The following PIEZO2 variants were observed in gnomAD, a reference collection of about 807,000 sequenced individuals.
The protein encoded by PIEZO2 is piezo type mechanosensitive ion channel component 2, also known as piezo-type mechanosensitive ion channel component 2.
PIEZO2 carries 172 observed loss-of-function variants against 337.3 expected under a neutral mutation model. That is an observed-to-expected ratio of 0.51 (90% CI 0.45 to 0.58). The LOEUF is 0.58. PIEZO2 is among the 20% of genes least tolerant of loss of function. PIEZO2 has a pLI of 0.00. For missense variants in PIEZO2, 3,028 were observed against 3,391.3 expected, an observed-to-expected ratio of 0.89 and a Z score of 2.66; for synonymous variants, 1,251 against 1,228.5, an observed-to-expected ratio of 1.02 and a Z score of -0.38.
intron 3 of PIEZO2, among the ~76,000 whole-genome samples, chr18:10,949,836 T>C (rs957573343): frequency 6.6e-6 from 1 of 152,160 alleles, no homozygotes; most frequent in Non-Finnish European, 1.5e-5. Flanking sequence ...ATTTCTCAAC[T>C]TACATCCTCC....
In PIEZO2 at chr18:10,953,313, C is replaced by T. The variant is rs573308776; in HGVS notation, c.286+26222G>A. 1.3e-5 allele frequency among the ~76,000 whole-genome samples: 2 copies of T among 152,190 alleles called. No homozygotes were observed. The highest frequency in any genetic ancestry group is 4.2e-4 in the South Asian group (2 of 4,816). ...TGATGTTGTATTTAAGAAAACTTTGCCCTTCCCTAACCCAAGATTACAAAC... is the reference window on the plus strand; with the variant it reads ...TGATGTTGTATTTAAGAAAACTTTGTCCTTCCCTAACCCAAGATTACAAAC... On this transcript the variant is annotated intron_variant, in intron 3 of 55. Coordinates refer to ENST00000674853, the MANE Select transcript of PIEZO2 (RefSeq NM_001378183.1). This position sits in a 1 kb window ranked among gnomAD's most constrained non-coding sequence, Gnocchi z 5.2.
chr18:10,935,794 C>A (rs1489209808), intron 3 of PIEZO2, among the ~76,000 whole-genome samples: 2 of 152,174 alleles, frequency 1.3e-5, no homozygotes, highest in Non-Finnish European at 2.9e-5. Context: ...ATGACCACGG[C>A]CCCTGCTCCT....
At chr18:10,915,859 T>C (rs1470836375) in intron 3 of PIEZO2, among the ~76,000 whole-genome samples, 11 of 152,128 alleles carry the variant, frequency 7.2e-5, no homozygotes, top group Non-Finnish European at 4.4e-5. Context: ...TTACAGTTCT[T>C]AAAGGTGGAG....
chr18:10,956,961 C>T (rs1160298713), intron 3 of PIEZO2, among the ~76,000 whole-genome samples: 1 of 135,802 alleles, frequency 7.4e-6, no homozygotes, highest in African/African-American at 2.8e-5. Context: ...AAGAGCAAAA[C>T]TCCATCTCAA....
intron 49 of PIEZO2, among the ~76,000 whole-genome samples, chr18:10,685,696 G>A (rs1432048893): frequency 6.6e-6 from 1 of 152,274 alleles, no homozygotes; most frequent in East Asian, 1.9e-4. Context: ...ATCATTCAGG[G>A]GCTTTTGTGA....
chr18:10,704,242 G>A lies in PIEZO2; in HGVS notation c.6258+152C>T, dbSNP rs986808365. 10 of 1,064,538 alleles carry A rather than the reference G, an allele frequency of 9.4e-6. No individual in the cohort carries two copies. In the African/African-American group the frequency reaches 1.3e-4, roughly 14 times the overall value. The allele number at this position is 1,064,538 out of a possible 1,614,324, so 65.9% of individuals were successfully genotyped here. A position where few individuals can be genotyped will look rare whatever the true frequency, so the allele number is the denominator to read the frequency against. On this transcript the variant is annotated intron_variant, in intron 42 of 55. Transcript: ENST00000674853. ...GTAACTGTTGCTGCTGACGATTTGT[G>A]TATCTAAGAATGTCTGTGGAACTGC... is the stretch of plus-strand genomic sequence containing the variant.
intron 2 of PIEZO2, among the ~76,000 whole-genome samples, chr18:11,052,016 T>C (rs763149461): frequency 5.3e-5 from 8 of 152,224 alleles, no homozygotes; most frequent in Non-Finnish European, 7.3e-5. Flanking sequence ...GAAAAGAGCT[T>C]TAATTTCAGT....
In PIEZO2 at chr18:11,003,853, G is replaced by A. The variant is rs77070643; in HGVS notation, c.161-24193C>T. 0.044 allele frequency among the ~76,000 whole-genome samples: 6,708 copies of A among 152,288 alleles called. 514 individuals carry two copies. The highest frequency in any genetic ancestry group is 0.15 in the African/African-American group (6,237 of 41,540). On this transcript the variant is annotated intron_variant, in intron 2 of 55. Coordinates refer to ENST00000674853, the MANE Select transcript of PIEZO2 (RefSeq NM_001378183.1). This position sits in a 1 kb window ranked among gnomAD's most constrained non-coding sequence, Gnocchi z 4.6. The stretch of plus-strand genomic sequence containing the variant: ...AACAAAGTGATTTTTTCCCCTCATT[G>A]ACATTGGAACAAAACAATATTCAAC...
rs62093958 is a variant in PIEZO2 at position 10,682,769 on chromosome 18, G to A, written c.7498-477C>T. Among the ~76,000 whole-genome samples the A allele has an allele frequency of 0.048, 3,299 of 68,720 alleles. 54 individuals carry two copies. Among genetic ancestry groups the A allele is most frequent in the Middle Eastern group, 0.14 (20 of 140 alleles). The allele number at this position is 68,720 out of a possible 152,430, so 45.1% of individuals were successfully genotyped here. ...TGATTTTTAATTTAATTCATGACACGTGTTGTTAAAGACAATGTTGTTCGA... is the reference window on the plus strand; with the variant it reads ...TGATTTTTAATTTAATTCATGACACATGTTGTTAAAGACAATGTTGTTCGA... On this transcript the variant is annotated intron_variant, in intron 49 of 55. Coordinates refer to ENST00000674853, the MANE Select transcript of PIEZO2 (RefSeq NM_001378183.1). This position sits in a 1 kb window ranked among gnomAD's most constrained non-coding sequence, Gnocchi z 5.6.
At chr18:10,869,953 G>A (rs149920532) in intron 5 of PIEZO2, among the ~76,000 whole-genome samples, 44 of 152,054 alleles carry the variant, frequency 2.9e-4, no homozygotes, top group African/African-American at 9.2e-4. Context: ...TCGGCTCACT[G>A]CAACCTCTAC....
At chr18:11,095,205 T>A (rs1031643135) in intron 1 of PIEZO2, among the ~76,000 whole-genome samples, 34 of 152,328 alleles carry the variant, frequency 2.2e-4, no homozygotes, top group African/African-American at 8.2e-4. Flanking sequence ...CATTGATAGG[T>A]CACAGATATA....
intron 2 of PIEZO2, among the ~76,000 whole-genome samples, chr18:11,051,321 C>T (rs1409300041): frequency 1.3e-5 from 2 of 149,184 alleles, no homozygotes; most frequent in Non-Finnish European, 3.0e-5. Context: ...ATTAACACAC[C>T]TTAGACAGCA....
chr18:10,705,802 G>C (rs533493429), intron 40 of PIEZO2, 56 bp from the exon 41 acceptor site: 1 of 1,451,650 alleles, frequency 6.9e-7, no homozygotes, highest in African/African-American at 1.4e-5. Context: ...CACTCCTGGG[G>C]TTCTTTCCCA....
At chr18:11,095,380 C>T (rs116171205) in intron 1 of PIEZO2, among the ~76,000 whole-genome samples, 146 of 152,262 alleles carry the variant, frequency 9.6e-4, no homozygotes, top group African/African-American at 3.1e-3. Context: ...TTTGGAATCA[C>T]GGTGTGCGTA....
intron 18 of PIEZO2, among the ~76,000 whole-genome samples, chr18:10,777,830 G>A (rs1037531045): frequency 7.2e-5 from 11 of 152,282 alleles, no homozygotes; most frequent in Middle Eastern, 6.8e-3. Context: ...TACTGTTTAA[G>A]ATAAATTATT....
At position 11,083,188 on chromosome 18, in the gene PIEZO2, C is replaced by G. The variant is rs1445033288; in HGVS notation, c.65-16966G>C. 6.6e-6 allele frequency among the ~76,000 whole-genome samples: 1 copy of G among 152,184 alleles called. No homozygotes were observed. The highest frequency in any genetic ancestry group is 2.1e-4 in the South Asian group (1 of 4,832). ...GGTATAAAGACAGACTTCTCTTAGACAAATGTGAATATGCTGATTTTACAG... is the reference window on the plus strand; with the variant it reads ...GGTATAAAGACAGACTTCTCTTAGAGAAATGTGAATATGCTGATTTTACAG... On this transcript the variant is annotated intron_variant, in intron 1 of 55. Coordinates refer to ENST00000674853, the MANE Select transcript of PIEZO2 (RefSeq NM_001378183.1). The surrounding 1 kb of genome is among the most constrained non-coding windows in gnomAD (Gnocchi z 4.4).
intron 2 of PIEZO2, among the ~76,000 whole-genome samples, chr18:11,004,617 C>T (rs907612537): frequency 3.9e-5 from 6 of 152,288 alleles, no homozygotes; most frequent in Non-Finnish European, 8.8e-5. Flanking sequence ...CAAGAAATGG[C>T]TGCTTTGTTG....
At chr18:11,086,015 CAG>C (rs2038898020) in intron 1 of PIEZO2, among the ~76,000 whole-genome samples, 1 of 152,010 alleles carries the variant, frequency 6.6e-6, no homozygotes, top group Non-Finnish European at 1.5e-5. Context: ...AATATCCTGA[CAG>C]AGTGAGTCAT....
intron 1 of PIEZO2, among the ~76,000 whole-genome samples, chr18:11,135,956 GGATAA>G (rs2040471275): frequency 6.6e-6 from 1 of 152,176 alleles, no homozygotes; most frequent in Admixed American, 6.5e-5. Flanking sequence ...GGTGTCATAA[GGATAA>G]GATAATATCT....
Sources: allele counts gnomAD v4.1 joint callset (sites outside exome capture counted in the v4.1 genomes callset), GRCh38; gene constraint gnomAD v4.1.1; non-coding constraint Gnocchi (gnomAD v3.1); transcripts MANE v1.5; gene names NCBI Gene and HGNC (gene_info 2026-07-23, HGNC 2026-07-21).